Variants in ITPR3 observed in about 807,000 individuals in gnomAD.
ITPR3 encodes inositol 1,4,5-trisphosphate receptor type 3.
ITPR3 carries 173 observed loss-of-function variants against 293.2 expected under a neutral mutation model. That is an observed-to-expected ratio of 0.59 (90% CI 0.52 to 0.67). ITPR3 has a LOEUF of 0.67. ITPR3 is among the 30% of genes least tolerant of loss of function. The pLI, the probability that ITPR3 is intolerant of heterozygous loss-of-function variation, is 0.00. For synonymous variants in ITPR3, 1,295 were observed against 1,444.4 expected, an observed-to-expected ratio of 0.90 and a Z score of 2.35; for missense variants, 2,796 against 3,592.1, an observed-to-expected ratio of 0.78 and a Z score of 5.66.
At chr6:33,651,647 G>A (rs1490539592) in intron 2 of ITPR3, among the ~76,000 whole-genome samples, 2 of 152,246 alleles carry the variant, frequency 1.3e-5, no homozygotes, top group Non-Finnish European at 2.9e-5. Flanking sequence ...CAAGGCAAAA[G>A]TAGCTGAGTG....
At position 33,671,411 on chromosome 6, in the gene ITPR3, C is replaced by A. The variant is rs1274696837; in HGVS notation, c.2728+105C>A. The A allele has an allele frequency of 1.2e-4, 95 of 770,858 alleles. No individual in the cohort carries two copies. In the South Asian group the frequency reaches 1.6e-3, roughly 13 times the overall value. 47.8% of individuals were successfully genotyped at this position (770,858 alleles called of 1,614,324 possible). A position where few individuals can be genotyped will look rare whatever the true frequency, so the allele number is the denominator to read the frequency against. The stretch of plus-strand genomic sequence containing the variant: ...CTTCCCCAGCCCCGCATTCCCCCCA[C>A]CCAACCTGGCTCTGCCTCAAGGGGA... On this transcript the variant is annotated intron_variant, in intron 21 of 57. Transcript: ENST00000605930.
chr6:33,678,488 AC>A lies in ITPR3; in HGVS notation c.3720del (p.Gly1241AlafsTer29). 1 of 1,587,154 alleles carries A rather than the reference AC, an allele frequency of 6.3e-7. No homozygotes were observed. Among genetic ancestry groups the A allele is most frequent in the Non-Finnish European group, 8.6e-7 (1 of 1,166,392 alleles). On this transcript the variant is annotated frameshift_variant, in exon 29 of 58. Transcript: ENST00000605930. LOFTEE classifies it high-confidence loss of function. Reference sequence around the variant, plus strand: ...TTCCTGCAGAAGTTCTGTGCAGGGAACCCCGGCAACCAGGCCCTGCTGCACA... The same window carrying A: ...TTCCTGCAGAAGTTCTGTGCAGGGAACCCGGCAACCAGGCCCTGCTGCACA... ...HQFLQKFCAG[N>X]PGNQALLHKH...
chr6:33,692,913 CTG>C lies in ITPR3; in HGVS notation c.7624+23_7624+24del. The stretch of plus-strand genomic sequence containing the variant: ...TCTGTGGTGAGGGCTGCTTCCTGCT[CTG>C]TGGAGGCCGCAGCGGGGCTGGAACG... On this transcript the variant is annotated intron_variant, in intron 55 of 57. Transcript: ENST00000605930. The surrounding 1 kb of genome is among the most constrained non-coding windows in gnomAD (Gnocchi z 4.2). 4 of 1,612,056 alleles carry C rather than the reference CTG, an allele frequency of 2.5e-6. No homozygotes were observed. The highest frequency in any genetic ancestry group is 1.7e-4 in the Middle Eastern group (1 of 6,030).
rs1410803037 is a variant in ITPR3, at chr6:33,687,893, T to C, written c.6265-164T>C. Reference sequence around the variant, plus strand: ...CTCCCCTCCCTTTGGCACCAGGTTCTCAAGGCTCAGTCCTAGTTGGGCTGG... The same window carrying C: ...CTCCCCTCCCTTTGGCACCAGGTTCCCAAGGCTCAGTCCTAGTTGGGCTGG... On this transcript the variant is annotated intron_variant, in intron 46 of 57. Coordinates refer to ENST00000605930, the MANE Select transcript of ITPR3 (RefSeq NM_002224.4). The surrounding 1 kb of genome is among the most constrained non-coding windows in gnomAD (Gnocchi z 5.3). Among the ~76,000 whole-genome samples the C allele has an allele frequency of 6.6e-6, 1 of 152,196 alleles. No individual in the cohort carries two copies. The highest frequency in any genetic ancestry group is 1.5e-5 in the Non-Finnish European group (1 of 68,034).
At chr6:33,629,528 T>G (rs1763624541) in intron 1 of ITPR3, among the ~76,000 whole-genome samples, 1 of 151,664 alleles carries the variant, frequency 6.6e-6, no homozygotes, top group Non-Finnish European at 1.5e-5. Context: ...TAGCCCAGGC[T>G]AGAGTGCAAT....
chr6:33,630,628 C>T (rs1582097923), intron 1 of ITPR3, among the ~76,000 whole-genome samples: 2 of 152,340 alleles, frequency 1.3e-5, no homozygotes, highest in Admixed American at 1.3e-4. Flanking sequence ...GACAGCCCGC[C>T]TGACCCTGAC....
chr6:33,625,233 CT>C (rs1022926655), intron 1 of ITPR3, among the ~76,000 whole-genome samples: 249 of 145,416 alleles, frequency 1.7e-3, no homozygotes, highest in Middle Eastern at 7.0e-3. Context: ...TTGAAGATCT[CT>C]TTTTTTTTTT....
chr6:33,671,104 C>T (rs1377193711), intron 20 of ITPR3, 61 bp from the exon 21 acceptor site: 5 of 1,598,536 alleles, frequency 3.1e-6, no homozygotes, highest in East Asian at 2.2e-5. Context: ...CTGCCCTCCA[C>T]GAAGCCCCGC....
chr6:33,666,016 G>A lies in ITPR3; in HGVS notation c.1551+40G>A. On this transcript the variant is annotated intron_variant, in intron 14 of 57. Transcript: ENST00000605930. The surrounding 1 kb of genome is among the most constrained non-coding windows in gnomAD (Gnocchi z 5.1). ...ATGAGGGGACGCAGAGGGGCCGGGT[G>A]CCCGGGAGAGGGATGCCTTCAACTG... 6.5e-7 allele frequency: 1 copy of A among 1,549,746 alleles called. No homozygotes were observed. Among genetic ancestry groups the A allele is most frequent in the Non-Finnish European group, 8.7e-7 (1 of 1,143,458 alleles).
At chr6:33,641,164 A>C (rs982379606) in intron 2 of ITPR3, among the ~76,000 whole-genome samples, 2 of 152,216 alleles carry the variant, frequency 1.3e-5, no homozygotes, top group Non-Finnish European at 2.9e-5. Context: ...GCCGCCCAGC[A>C]GGCTGAGGGC....
In ITPR3 at chr6:33,658,892, C is replaced by T. The variant is rs1582126922; in HGVS notation, c.528+64C>T. 15 of 1,604,506 alleles carry T rather than the reference C, an allele frequency of 9.3e-6. No individual in the cohort carries two copies. The highest frequency in any genetic ancestry group is 4.5e-5 in the East Asian group (2 of 44,738). On this transcript the variant is annotated intron_variant, in intron 5 of 57. Transcript: ENST00000605930. The surrounding 1 kb of genome is among the most constrained non-coding windows in gnomAD (Gnocchi z 6.1). Reference sequence around the variant, plus strand: ...TCCCGAGGGGCTTCTGTAGGGTCTTCGGTGTGGGGACTGGATAAGGGCATG... The same window carrying T: ...TCCCGAGGGGCTTCTGTAGGGTCTTTGGTGTGGGGACTGGATAAGGGCATG...
At chr6:33,623,668 C>T (rs1186716009) in intron 1 of ITPR3, among the ~76,000 whole-genome samples, 1 of 152,118 alleles carries the variant, frequency 6.6e-6, no homozygotes, top group African/African-American at 2.4e-5. Context: ...GCTTCTTCCC[C>T]TGCCCTTGTG....
intron 3 of ITPR3, among the ~76,000 whole-genome samples, chr6:33,657,085 A>T (rs116222894): frequency 0.05 from 7,582 of 152,270 alleles, 223 homozygotes; most frequent in African/African-American, 0.07. Context: ...ACACAGCCAC[A>T]TGCTGTTGCT....
rs1764787656 is a variant in ITPR3 at position 33,672,196 on chromosome 6, G to C, written c.2896G>C (p.Glu966Gln). ...FEENEDIVVM[E>Q]TKLKILEILQ... ...GGAGAATGAGGACATTGTGGTGATG[G>C]AGACCAAGCTGAAGATCCTGGAAAT... is the stretch of plus-strand genomic sequence containing the variant. The change falls in exon 22 of 58, where the codon GAG (glutamate) becomes CAG (glutamine). Residue 966 changes from glutamate to glutamine, a missense_variant. By Grantham distance (29) the Glu-to-Gln change is conservative. Around this residue, in one of 8 missense-constraint regions of ITPR3, gnomAD observed 955 missense variants for 1,180.8 expected, o/e 0.81. Transcript: ENST00000605930. This position sits in a 1 kb window ranked among gnomAD's most constrained non-coding sequence, Gnocchi z 5.0. 1.4e-5 allele frequency: 23 copies of C among 1,612,942 alleles called. No homozygotes were observed. The highest frequency in any genetic ancestry group is 1.9e-5 in the Non-Finnish European group (23 of 1,179,514).
At chr6:33,625,607 T>G (rs1444946937) in intron 1 of ITPR3, among the ~76,000 whole-genome samples, 51 of 152,176 alleles carry the variant, frequency 3.4e-4, no homozygotes, top group Admixed American at 3.3e-3. Flanking sequence ...GAACTGGGTC[T>G]TGGAGCTGAG....
At chr6:33,645,275 A>G (rs1764038979) in intron 2 of ITPR3, among the ~76,000 whole-genome samples, 1 of 152,136 alleles carries the variant, frequency 6.6e-6, no homozygotes, top group Admixed American at 6.5e-5. Flanking sequence ...CGGAGGTTGC[A>G]GTGAGCCAAG....
intron 2 of ITPR3, among the ~76,000 whole-genome samples, chr6:33,650,261 A>G (rs1385523275): frequency 6.6e-6 from 1 of 152,234 alleles, no homozygotes; most frequent in African/African-American, 2.4e-5. Context: ...CAGTAGAAGC[A>G]TGGGATGTGT....
Position 33,695,090 on chromosome 6 carries a change from G to T in ITPR3, c.7947+5G>T. 1 of 1,612,890 alleles carries T rather than the reference G, an allele frequency of 6.2e-7. No individual in the cohort carries two copies. The highest frequency in any genetic ancestry group is 8.5e-7 in the Non-Finnish European group (1 of 1,179,566). ...CTCAACGAGCTCAAGGAGCAGGTGTGCACCCCGCCTGATCCCAGGCCCACC... is the reference window on the plus strand; with the variant it reads ...CTCAACGAGCTCAAGGAGCAGGTGTTCACCCCGCCTGATCCCAGGCCCACC... On this transcript the variant is annotated splice_donor_5th_base_variant and intron_variant, in intron 57 of 57. Transcript: ENST00000605930.
Position 33,684,477 on chromosome 6 carries a change from G to C in ITPR3, c.5046+12G>C. ...AGTACGGGGACCGGGTGAGTGCCCT[G>C]GTGGGGCAAGTGCTGGGTGGGCCAG... On this transcript the variant is annotated intron_variant, in intron 37 of 57. Transcript: ENST00000605930. The surrounding 1 kb of genome is among the most constrained non-coding windows in gnomAD (Gnocchi z 4.2). The C allele has an allele frequency of 6.2e-7, 1 of 1,610,922 alleles. No homozygotes were observed. Among genetic ancestry groups the C allele is most frequent in the African/African-American group, 1.3e-5 (1 of 74,976 alleles).
Sources: gnomAD v4.1 joint callset for allele counts (sites outside exome capture counted in the v4.1 genomes callset) on GRCh38, gnomAD v4.1.1 for gene constraint, gnomAD v4.1.1 regional missense constraint, Gnocchi (gnomAD v3.1) non-coding constraint, MANE v1.5 for transcripts, NCBI Gene and HGNC (gene_info 2026-07-23, HGNC 2026-07-21) for gene names.